ZNF609: variants seen among roughly 807,000 people sequenced by gnomAD.
The protein encoded by ZNF609 is zinc finger protein 609.
Under a neutral mutation model 109.5 loss-of-function variants are expected in ZNF609, and 11 were observed. The ratio of observed to expected loss-of-function variants is 0.10; its 90% CI spans 0.06 to 0.17. The LOEUF is 0.17. Among genes scored for constraint, ZNF609 ranks in the 10% least tolerant of loss-of-function variants. The pLI is 1.00. For synonymous variants in ZNF609, 646 were observed against 662.0 expected (o/e 0.98, Z 0.37); for missense variants, 1,559 against 1,772.4 (o/e 0.88, Z 2.16).
chr15:64,631,540 TC>T (rs1458030646), intron 3 of ZNF609: 8 of 599,906 alleles, frequency 1.3e-5, no homozygotes, highest in Admixed American at 2.2e-5. Flanking sequence ...TTCTTTTCTT[TC>T]TTTTTTTTTA....
chr15:64,608,271 G>C (rs1055155186), intron 2 of ZNF609, among the ~76,000 whole-genome samples: 1 of 152,086 alleles, frequency 6.6e-6, no homozygotes, highest in East Asian at 1.9e-4. Flanking sequence ...GTTCTTTGGG[G>C]TTCTTAACTT....
chr15:64,524,292 G>A (rs764073018), intron 2 of ZNF609, among the ~76,000 whole-genome samples: 1 of 152,160 alleles, frequency 6.6e-6, no homozygotes, highest in Non-Finnish European at 1.5e-5. Context: ...TTGGCCGGGC[G>A]CAGTGGCTCA....
chr15:64,461,143 CAG>C (rs1892934054), intron 1 of ZNF609, among the ~76,000 whole-genome samples: 1 of 144,752 alleles, frequency 6.9e-6, no homozygotes, highest in Non-Finnish European at 1.5e-5. Context: ...GGGAGCAGGC[CAG>C]AGAGTTTCTG....
chr15:64,543,017 A>G (rs1326819446), intron 2 of ZNF609, among the ~76,000 whole-genome samples: 1 of 152,156 alleles, frequency 6.6e-6, no homozygotes, highest in Non-Finnish European at 1.5e-5. Context: ...GGGGAGGGAG[A>G]GCATTAGGAC....
intron 1 of ZNF609, among the ~76,000 whole-genome samples, chr15:64,475,392 CTT>C (rs35289626): frequency 3.7e-5 from 4 of 109,588 alleles, no homozygotes; most frequent in African/African-American, 7.2e-5. Flanking sequence ...CACATGTTGT[CTT>C]TTTTTTTTTT....
Position 64,665,322 on chromosome 15 carries a change from G to A in ZNF609, c.974-5024G>A, listed in dbSNP as rs571413648. On this transcript the variant is annotated intron_variant, in intron 3 of 9. Transcript: ENST00000326648. ...CTGTGTCAGGCCTTAGAGTCTGAAA[G>A]ATCTGACCACTAATAGTGAACCCTT... is the stretch of plus-strand genomic sequence containing the variant. 4.6e-5 allele frequency among the ~76,000 whole-genome samples: 7 copies of A among 152,316 alleles called. No individual in the cohort carries two copies. In the East Asian group the frequency reaches 1.4e-3, roughly 29 times the overall value.
chr15:64,560,312 C>T (rs1443191651), intron 2 of ZNF609, among the ~76,000 whole-genome samples: 3 of 151,592 alleles, frequency 2.0e-5, no homozygotes, highest in African/African-American at 7.3e-5. Context: ...TCCCAAAGTG[C>T]TGGGACTACA....
chr15:64,624,761 C>CTTTTTT (rs11411889), intron 3 of ZNF609, among the ~76,000 whole-genome samples: 1 of 131,876 alleles, frequency 7.6e-6, no homozygotes, highest in South Asian at 2.4e-4. Context: ...GTTACGTACA[C>CTTTTTT]TTTTTTTTTT....
intron 2 of ZNF609, among the ~76,000 whole-genome samples, chr15:64,605,402 T>G (rs566660453): frequency 6.6e-6 from 1 of 152,302 alleles, no homozygotes; most frequent in South Asian, 2.1e-4. Flanking sequence ...TGTATCTCCA[T>G]GAACCACTAC....
chr15:64,674,058 C>A lies in ZNF609; in HGVS notation c.1204C>A (p.Arg402=). 1 of 1,614,142 alleles carries A rather than the reference C, an allele frequency of 6.2e-7. No homozygotes were observed. The highest frequency in any genetic ancestry group is 8.5e-7 in the Non-Finnish European group (1 of 1,180,028). ...SKGTSNSSKT[R]AGANSKGRRG... is the part of the protein sequence containing the mutation. ...AGGGACCAGTAACAGCAGCAAAACC[C>A]GGGCAGGAGCCAATAGCAAAGGCCG... is the stretch of plus-strand genomic sequence containing the variant. Residue 402 remains arginine (R), a synonymous_variant, in exon 5 of 10, where the codon CGG becomes AGG. Transcript: ENST00000326648.
intron 1 of ZNF609, among the ~76,000 whole-genome samples, chr15:64,472,083 G>A (rs145790111): frequency 0.013 from 1,872 of 148,100 alleles, 24 homozygotes; most frequent in Non-Finnish European, 0.019. Flanking sequence ...GCTAATTTTT[G>A]TATTTTTTAG....
chr15:64,463,648 T>C (rs1053635195), intron 1 of ZNF609, among the ~76,000 whole-genome samples: 3 of 152,212 alleles, frequency 2.0e-5, no homozygotes, highest in African/African-American at 7.2e-5. Flanking sequence ...TATCCTTTTA[T>C]TTCAGTGAGT....
Position 64,676,187 on chromosome 15 carries a change from C to G in ZNF609, c.3333C>G (p.Ala1111=), listed in dbSNP as rs773436449. The change falls in exon 5 of 10, where the codon GCC becomes GCG. Residue 1111 remains alanine (A), a synonymous_variant. Transcript: ENST00000326648. ...LSDASHLSKE[A]SEAKTGAECG... is the part of the protein sequence containing the mutation. ...ATGCCAGCCACCTAAGCAAGGAGGC[C>G]TCTGAGGCCAAGACAGGTGCTGAGT... The G allele has an allele frequency of 3.5e-5, 56 of 1,614,062 alleles. No individual in the cohort carries two copies. The Admixed American group carries it at 9.3e-4, about 27-fold the overall frequency.
At chr15:64,666,863 C>T (rs1441877209) in intron 3 of ZNF609, among the ~76,000 whole-genome samples, 1 of 151,368 alleles carries the variant, frequency 6.6e-6, no homozygotes, top group Non-Finnish European at 1.5e-5. Context: ...CGCGGTGGCT[C>T]ATGCCTGTAA....
At position 64,656,454 on chromosome 15, in the gene ZNF609, T is replaced by C. The variant is rs548926517; in HGVS notation, c.974-13892T>C. 2.6e-5 allele frequency among the ~76,000 whole-genome samples: 4 copies of C among 152,254 alleles called. No homozygotes were observed. In the East Asian group the frequency reaches 7.7e-4, roughly 29 times the overall value. Reference sequence around the variant, plus strand: ...TTTAGCATCAAGTATTAGATCAGCTTTTTCCATATCTCCTTCCTACTCTCT... The same window carrying C: ...TTTAGCATCAAGTATTAGATCAGCTCTTTCCATATCTCCTTCCTACTCTCT... On this transcript the variant is annotated intron_variant, in intron 3 of 9. Transcript: ENST00000326648.
chr15:64,566,256 C>T (rs919148006), intron 2 of ZNF609, among the ~76,000 whole-genome samples: 1 of 152,252 alleles, frequency 6.6e-6, no homozygotes, highest in East Asian at 1.9e-4. Flanking sequence ...CTTGAGCCCA[C>T]GAGTTTAAGA....
chr15:64,602,702 T>C (rs1290784070), intron 2 of ZNF609, among the ~76,000 whole-genome samples: 2 of 141,324 alleles, frequency 1.4e-5, no homozygotes, highest in Admixed American at 1.5e-4. Context: ...TGCCCTGACT[T>C]TTCTTTTTTC....
chr15:64,675,070 A>G lies in ZNF609; in HGVS notation c.2216A>G (p.Lys739Arg), dbSNP rs747304452. 2 of 1,614,226 alleles carry G rather than the reference A, an allele frequency of 1.2e-6. No homozygotes were observed. Among genetic ancestry groups the G allele is most frequent in the South Asian group, 2.2e-5 (2 of 91,090 alleles). Residue 739 changes from lysine to arginine, a missense_variant, in exon 5 of 10, where the codon AAG (lysine) becomes AGG (arginine). Lys to Arg is a conservative substitution (Grantham distance 26, BLOSUM62 2). Around this residue, in one of 4 missense-constraint regions of ZNF609, gnomAD observed 1,204 missense variants for 1,314.1 expected, o/e 0.92. Transcript: ENST00000326648. ...KKDKKKKESSKELESPLTPGK... is the reference protein window; with the variant it reads ...KKDKKKKESSRELESPLTPGK... ...GACAAAAAAAAGAAGGAATCTTCAA[A>G]GGAACTTGAAAGTCCTCTGACCCCT...
chr15:64,572,462 G>A lies in ZNF609; in HGVS notation c.748-50365G>A, dbSNP rs1239261850. On this transcript the variant is annotated intron_variant, in intron 2 of 9. Coordinates refer to ENST00000326648, the MANE Select transcript of ZNF609 (RefSeq NM_015042.2). The stretch of plus-strand genomic sequence containing the variant: ...TATTTTCTCCATAACACTTATTATT[G>A]TCCCACATAGTATATAATTTATTTT... Among the ~76,000 whole-genome samples the A allele has an allele frequency of 2.0e-5, 3 of 152,084 alleles. No homozygotes were observed. The East Asian group carries it at 5.8e-4, about 29-fold the overall frequency.
Sources: gnomAD v4.1 joint callset for allele counts (sites outside exome capture counted in the v4.1 genomes callset) on GRCh38, gnomAD v4.1.1 for gene constraint, gnomAD v4.1.1 regional missense constraint, MANE v1.5 for transcripts, NCBI Gene and HGNC (gene_info 2026-07-23, HGNC 2026-07-21) for gene names.